REL: variants seen among roughly 807,000 people sequenced by gnomAD.
REL encodes the protein proto-oncogene c-Rel.
Under a neutral mutation model 45.9 loss-of-function variants are expected in REL, and 15 were observed. That is an observed-to-expected ratio of 0.33 (90% CI 0.22 to 0.50). REL has a LOEUF of 0.50. REL is among the 20% of genes least tolerant of loss of function. The pLI is 0.98. For missense variants in REL, 601 were observed against 715.2 expected (o/e 0.84, Z 1.82); for synonymous variants, 239 against 242.1 (o/e 0.99, Z 0.12).
chr2:60,883,576 T>C (rs1673001009), intron 1 of REL, among the ~76,000 whole-genome samples: 1 of 152,236 alleles, frequency 6.6e-6, no homozygotes, highest in Admixed American at 6.5e-5. Context: ...GCATTATAAG[T>C]AAGTTCAGGC....
At position 60,929,725 on chromosome 2, in the gene REL, C is replaced by A. The variant is rs554186561; in HGVS notation, c.*7190C>A. ...GGGAGATATACCTAATGCTAGATGA[C>A]GAGTTAGTGGGTGCAGTGCACCAGC... is the stretch of plus-strand genomic sequence containing the variant. On this transcript the variant is annotated 3_prime_UTR_variant, in exon 10 of 10. Coordinates refer to ENST00000394479, the MANE Select transcript of REL (RefSeq NM_001291746.2). 3 of 149,090 alleles carry A rather than the reference C, an allele frequency of 2.0e-5. No homozygotes were observed. Among genetic ancestry groups the A allele is most frequent in the Admixed American group, 2.0e-4 (3 of 14,998 alleles). The allele number at this position is 149,090 out of a possible 1,614,324, so 9.2% of individuals were successfully genotyped here. A position where few individuals can be genotyped will look rare whatever the true frequency, so the allele number is the denominator to read the frequency against.
In REL at chr2:60,927,936, A is replaced by G. The variant is rs1275794220; in HGVS notation, c.*5401A>G. 3 of 218,642 alleles carry G rather than the reference A, an allele frequency of 1.4e-5. No individual in the cohort carries two copies. Among genetic ancestry groups the G allele is most frequent in the Admixed American group, 5.8e-5 (1 of 17,224 alleles). 13.5% of individuals were successfully genotyped at this position (218,642 alleles called of 1,614,324 possible). ...CTTTTAAATAACTGGGCTTCTCACA[A>G]CCATAGTGAACAGAAACAGCTGGGT... On this transcript the variant is annotated 3_prime_UTR_variant, in exon 10 of 10. Coordinates refer to ENST00000394479, the MANE Select transcript of REL (RefSeq NM_001291746.2).
At chr2:60,920,502 G>T in intron 8 of REL, 72 bp from the exon 9 acceptor site, 1 of 1,263,346 alleles carries the variant, frequency 7.9e-7, no homozygotes, top group Non-Finnish European at 1.2e-6. Flanking sequence ...CGCCCGGCCA[G>T]TTTTTCAGAT....
Position 60,922,000 on chromosome 2 carries a change from G to A in REL, c.1229G>A (p.Gly410Asp). Residue 410 changes from glycine (G) to aspartate (D), a missense_variant, in exon 10 of 10, where the codon GGT (glycine) becomes GAT (aspartate). Around this residue, in one of 4 missense-constraint regions of REL, gnomAD observed 334 missense variants for 333.1 expected, o/e 1.00. Transcript: ENST00000394479. ...AGGACACTTCCTTCTAATTCGCAAG[G>A]TATCCCACCATTCCTGAGAATACCT... ...STRTLPSNSQ[G>D]IPPFLRIPVG... 6.2e-7 allele frequency: 1 copy of A among 1,614,072 alleles called. No individual in the cohort carries two copies. Among genetic ancestry groups the A allele is most frequent in the Non-Finnish European group, 8.5e-7 (1 of 1,180,036 alleles).
At chr2:60,920,212 T>C in intron 8 of REL, 103 bp downstream of exon 8, 2 of 1,012,918 alleles carry the variant, frequency 2.0e-6, no homozygotes, top group South Asian at 1.6e-5. Flanking sequence ...GTTGTTTGTT[T>C]GTTTTTTGAG....
chr2:60,898,825 T>G (rs921282102), intron 3 of REL: 4 of 152,252 alleles, frequency 2.6e-5, no homozygotes, highest in Non-Finnish European at 5.9e-5. Flanking sequence ...TCCACTAGAC[T>G]GTAAGCTTCT....
intron 1 of REL, among the ~76,000 whole-genome samples, chr2:60,889,843 T>C (rs1673164195): frequency 6.6e-6 from 1 of 152,200 alleles, no homozygotes. Context: ...TAATCCAGTC[T>C]ATCATTGTTG....
rs780257327 is a variant in REL at position 60,891,773 on chromosome 2, G to T, written c.101G>T (p.Ser34Ile). Residue 34 changes from serine (S) to isoleucine (I), a missense_variant, in exon 2 of 10, where the codon AGC (serine) becomes ATC (isoleucine). Around this residue, in one of 4 missense-constraint regions of REL, gnomAD observed 241 missense variants for 347.0 expected, o/e 0.69. Coordinates refer to ENST00000394479, the MANE Select transcript of REL (RefSeq NM_001291746.2). ...AAATGTGAAGGGCGATCAGCAGGCAGCATTCCAGGGGAGCACAGCACAGAC... is the reference window on the plus strand; with the variant it reads ...AAATGTGAAGGGCGATCAGCAGGCATCATTCCAGGGGAGCACAGCACAGAC... ...RYKCEGRSAG[S>I]IPGEHSTDNN... The T allele has an allele frequency of 6.2e-7, 1 of 1,614,002 alleles. No homozygotes were observed. Among genetic ancestry groups the T allele is most frequent in the Non-Finnish European group, 8.5e-7 (1 of 1,179,942 alleles).
chr2:60,901,468 A>G (rs552011409), intron 4 of REL, among the ~76,000 whole-genome samples: 12 of 152,270 alleles, frequency 7.9e-5, no homozygotes, highest in African/African-American at 2.9e-4. Flanking sequence ...AGCTATTTAT[A>G]TCTTCAACCT....
chr2:60,905,605 GC>G (rs2103956170), intron 4 of REL, among the ~76,000 whole-genome samples: 1 of 152,238 alleles, frequency 6.6e-6, no homozygotes, highest in South Asian at 2.1e-4. Context: ...TGTGTTAGCA[GC>G]CAAAAGTATC....
chr2:60,905,543 T>G (rs1167327725), intron 4 of REL, among the ~76,000 whole-genome samples: 12 of 152,216 alleles, frequency 7.9e-5, no homozygotes, highest in Admixed American at 7.2e-4. Context: ...GAATCTACAT[T>G]TTAAAAAATA....
At chr2:60,903,022 A>G (rs1001997508) in intron 4 of REL, among the ~76,000 whole-genome samples, 6 of 152,364 alleles carry the variant, frequency 3.9e-5, no homozygotes, top group African/African-American at 1.2e-4. Flanking sequence ...TTCTGGGTCA[A>G]GAGTATGCTC....
At chr2:60,893,910 C>G (rs915828082) in intron 2 of REL, among the ~76,000 whole-genome samples, 3 of 152,106 alleles carry the variant, frequency 2.0e-5, no homozygotes, top group Admixed American at 1.3e-4. Context: ...ATTGCCTATT[C>G]TAGAGTAAAC....
chr2:60,927,749 A>G lies in REL; in HGVS notation c.*5214A>G, dbSNP rs1320218324. 1.3e-5 allele frequency: 3 copies of G among 229,408 alleles called. No homozygotes were observed. The Middle Eastern group carries it at 3.9e-3, about 299-fold the overall frequency. 14.2% of individuals were successfully genotyped at this position (229,408 alleles called of 1,614,324 possible). On this transcript the variant is annotated 3_prime_UTR_variant, in exon 10 of 10. Transcript: ENST00000394479. ...GGATAACACATGTAGAGTAAAATGC[A>G]TAAAGGGGACTAATTTTAAATGTAC...
In REL at chr2:60,920,076, A is replaced by G; in HGVS notation, c.889A>G (p.Thr297Ala). ...YGNKAKKQKT[T>A]LLFQKLCQDH... Reference sequence around the variant, plus strand: ...CAATAAAGCAAAGAAACAAAAGACAACTCTGCTTTTCCAGAAACTGTGCCA... The same window carrying G: ...CAATAAAGCAAAGAAACAAAAGACAGCTCTGCTTTTCCAGAAACTGTGCCA... The change falls in exon 8 of 10, where the codon ACT becomes GCT. Residue 297 changes from threonine to alanine, a missense_variant. This residue lies in a region of REL where 241 missense variants were observed against 347.0 expected (regional missense o/e 0.69). Coordinates refer to ENST00000394479, the MANE Select transcript of REL (RefSeq NM_001291746.2). 1 of 1,612,262 alleles carries G rather than the reference A, an allele frequency of 6.2e-7. No individual in the cohort carries two copies. Among genetic ancestry groups the G allele is most frequent in the Non-Finnish European group, 8.5e-7 (1 of 1,178,958 alleles).
chr2:60,905,151 G>C (rs1673607000), intron 4 of REL, among the ~76,000 whole-genome samples: 1 of 152,210 alleles, frequency 6.6e-6, no homozygotes. Flanking sequence ...CTGGAGTGCA[G>C]TGGCACGATC....
intron 4 of REL, among the ~76,000 whole-genome samples, chr2:60,905,164 G>A (rs1207963781): frequency 6.6e-6 from 1 of 152,114 alleles, no homozygotes; most frequent in Non-Finnish European, 1.5e-5. Flanking sequence ...GCACGATCTC[G>A]GCTCACTGCA....
intron 4 of REL, among the ~76,000 whole-genome samples, chr2:60,914,108 T>G (rs1387015050): frequency 6.6e-6 from 1 of 152,234 alleles, no homozygotes; most frequent in African/African-American, 2.4e-5. Flanking sequence ...GATTATCATG[T>G]AAGATTTTAA....
At chr2:60,906,095 C>G (rs1445323360) in intron 4 of REL, among the ~76,000 whole-genome samples, 1 of 152,088 alleles carries the variant, frequency 6.6e-6, no homozygotes, top group Non-Finnish European at 1.5e-5. Context: ...AATGCAAAAG[C>G]GGAAATCCCT....
Sources: gnomAD v4.1 joint callset for allele counts (sites outside exome capture counted in the v4.1 genomes callset) on GRCh38, gnomAD v4.1.1 for gene constraint, gnomAD v4.1.1 regional missense constraint, MANE v1.5 for transcripts, NCBI Gene and HGNC (gene_info 2026-07-23, HGNC 2026-07-21) for gene names.